MAP3K4: variants seen among roughly 807,000 people sequenced by gnomAD.
The protein encoded by MAP3K4 is mitogen-activated protein kinase kinase kinase 4.
A neutral mutation model predicts 185.6 loss-of-function variants in MAP3K4; 67 were observed. The observed-to-expected ratio is 0.36, with a 90% confidence interval of 0.30 to 0.44. The LOEUF (loss-of-function observed/expected upper bound fraction) is 0.44, where lower values mean the gene tolerates loss of function less well. MAP3K4 is among the 20% of genes least tolerant of loss of function. MAP3K4 has a pLI of 1.00. For missense variants in MAP3K4, 1,551 were observed against 1,995.1 expected (o/e 0.78, Z 4.24); for synonymous variants, 702 against 710.4 (o/e 0.99, Z 0.19).
At chr6:160,997,783 T>TA (rs1456239914) in intron 1 of MAP3K4, among the ~76,000 whole-genome samples, 16 of 152,296 alleles carry the variant, frequency 1.1e-4, no homozygotes, top group South Asian at 1.0e-3. Flanking sequence ...GCCCTCTTCT[T>TA]ACAGATGCCA....
In MAP3K4 at chr6:161,115,021, TG is replaced by T; in HGVS notation, c.4627-101del. ...CTTTCAGTAAAAATTTGCTGTCCCC[TG>T]ATATATATTAATGATGAGATGCTTA... On this transcript the variant is annotated intron_variant, in intron 25 of 26. Transcript: ENST00000392142. The surrounding 1 kb of genome is among the most constrained non-coding windows in gnomAD (Gnocchi z 6.0). 1.9e-6 allele frequency: 2 copies of T among 1,061,188 alleles called. No homozygotes were observed. The highest frequency in any genetic ancestry group is 2.7e-6 in the Non-Finnish European group (2 of 727,778). 65.7% of individuals were successfully genotyped at this position (1,061,188 alleles called of 1,614,324 possible). A position where few individuals can be genotyped will look rare whatever the true frequency, so the allele number is the denominator to read the frequency against.
At position 161,110,201 on chromosome 6, in the gene MAP3K4, T is replaced by C. The variant is rs889950603; in HGVS notation, c.4396+287T>C. On this transcript the variant is annotated intron_variant, in intron 23 of 26. Transcript: ENST00000392142. This position sits in a 1 kb window ranked among gnomAD's most constrained non-coding sequence, Gnocchi z 4.8. ...GCTGATTTGGCATAGCCCGTGTACT[T>C]ACCAGACATTCGTGATCAAAGCAAC... is the stretch of plus-strand genomic sequence containing the variant. Among the ~76,000 whole-genome samples the C allele has an allele frequency of 3.3e-5, 5 of 152,236 alleles. No homozygotes were observed. The highest frequency in any genetic ancestry group is 6.5e-5 in the Admixed American group (1 of 15,286).
At position 161,037,040 on chromosome 6, in the gene MAP3K4, A is replaced by G. The variant is rs1176799004; in HGVS notation, c.343+2591A>G. ...TTTCAATTTTAAATGTCTCAGTCAC[A>G]TGTATATTAGAAAGTGGCTTCACAT... On this transcript the variant is annotated intron_variant, in intron 2 of 26. Transcript: ENST00000392142. The surrounding 1 kb of genome is among the most constrained non-coding windows in gnomAD (Gnocchi z 4.2). Among the ~76,000 whole-genome samples, 6 of 152,214 alleles carry G rather than the reference A, an allele frequency of 3.9e-5. No individual in the cohort carries two copies. Among genetic ancestry groups the G allele is most frequent in the Non-Finnish European group, 7.3e-5 (5 of 68,046 alleles).
rs1464994902 is a variant in MAP3K4 at position 161,071,835 on chromosome 6, C to T, written c.1950+985C>T. ...GTCCACTTTGGCCTTGCTTTTAACT[C>T]ATCCTCATAATCGCAGTGGTTATCT... On this transcript the variant is annotated intron_variant, in intron 4 of 26. Coordinates refer to ENST00000392142, the MANE Select transcript of MAP3K4 (RefSeq NM_005922.4). The surrounding 1 kb of genome is among the most constrained non-coding windows in gnomAD (Gnocchi z 4.6). Among the ~76,000 whole-genome samples the T allele has an allele frequency of 6.6e-6, 1 of 152,200 alleles. No homozygotes were observed. Among genetic ancestry groups the T allele is most frequent in the African/African-American group, 2.4e-5 (1 of 41,446 alleles).
intron 1 of MAP3K4, among the ~76,000 whole-genome samples, chr6:161,009,420 C>G (rs1175625315): frequency 6.6e-6 from 1 of 152,176 alleles, no homozygotes; most frequent in African/African-American, 2.4e-5. Context: ...TCCCCATCTA[C>G]CCCGGTAAAC....
At chr6:161,032,660 A>G (rs1390874367) in intron 1 of MAP3K4, among the ~76,000 whole-genome samples, 4 of 152,218 alleles carry the variant, frequency 2.6e-5, no homozygotes, top group Non-Finnish European at 4.4e-5. Context: ...GCTTATAGCC[A>G]TGTTCTTTAA....
chr6:161,086,787 A>T lies in MAP3K4; in HGVS notation c.2556+120A>T, dbSNP rs1290246540. On this transcript the variant is annotated intron_variant, in intron 9 of 26. Transcript: ENST00000392142. The surrounding 1 kb of genome is among the most constrained non-coding windows in gnomAD (Gnocchi z 4.8). ...TTACAGGCTCTGAAGGCTGTACCAC[A>T]ACCCCAGTTGTAAGACTGTCCTGTA... The T allele has an allele frequency of 2.8e-6, 2 of 703,306 alleles. No individual in the cohort carries two copies. Among genetic ancestry groups the T allele is most frequent in the Admixed American group, 3.0e-5 (1 of 33,830 alleles). 43.6% of individuals were successfully genotyped at this position (703,306 alleles called of 1,614,324 possible). A position where few individuals can be genotyped will look rare whatever the true frequency, so the allele number is the denominator to read the frequency against.
At chr6:161,018,623 A>C (rs963891148) in intron 1 of MAP3K4, among the ~76,000 whole-genome samples, 1 of 152,236 alleles carries the variant, frequency 6.6e-6, no homozygotes, top group Non-Finnish European at 1.5e-5. Context: ...CTTTAAAGGA[A>C]GACAGTAAAA....
chr6:160,993,133 G>A (rs1460001309), intron 1 of MAP3K4, among the ~76,000 whole-genome samples: 1 of 152,106 alleles, frequency 6.6e-6, no homozygotes, highest in East Asian at 1.9e-4. Flanking sequence ...CATTCAGTTG[G>A]CCCAAACAAA....
intron 1 of MAP3K4, among the ~76,000 whole-genome samples, chr6:161,024,852 C>T (rs1203178435): frequency 6.6e-6 from 1 of 152,154 alleles, no homozygotes; most frequent in Non-Finnish European, 1.5e-5. Flanking sequence ...GTGGAGAGTT[C>T]AACTCCACCT....
chr6:161,014,216 G>A (rs956161655), intron 1 of MAP3K4, among the ~76,000 whole-genome samples: 5 of 152,066 alleles, frequency 3.3e-5, no homozygotes, highest in South Asian at 2.1e-4. Context: ...ACAAAGGAGC[G>A]CCCTTTCCTT....
chr6:161,096,499 TAAA>T lies in MAP3K4; in HGVS notation c.3428-580_3428-578del, dbSNP rs1486628344. 6.6e-6 allele frequency among the ~76,000 whole-genome samples: 1 copy of T among 152,192 alleles called. No homozygotes were observed. Among genetic ancestry groups the T allele is most frequent in the African/African-American group, 2.4e-5 (1 of 41,448 alleles). On this transcript the variant is annotated intron_variant, in intron 15 of 26. Coordinates refer to ENST00000392142, the MANE Select transcript of MAP3K4 (RefSeq NM_005922.4). This position sits in a 1 kb window ranked among gnomAD's most constrained non-coding sequence, Gnocchi z 4.9. ...AATCACTAGGTAAGATCTCTAATTT[TAAA>T]TTTTATCTAGTTTTAAATTTTTATT...
In MAP3K4 at chr6:161,048,569, C is replaced by T; in HGVS notation, c.344-47C>T. The stretch of plus-strand genomic sequence containing the variant: ...TTATTGAAAATATTGAGAGTAGCTT[C>T]ATATTTTAGAGTTATATAATGTTCT... On this transcript the variant is annotated intron_variant, in intron 2 of 26. Transcript: ENST00000392142. This position sits in a 1 kb window ranked among gnomAD's most constrained non-coding sequence, Gnocchi z 4.7. 8.1e-7 allele frequency: 1 copy of T among 1,229,044 alleles called. No homozygotes were observed. Among genetic ancestry groups the T allele is most frequent in the Non-Finnish European group, 1.1e-6 (1 of 892,590 alleles). 76.1% of individuals were successfully genotyped at this position (1,229,044 alleles called of 1,614,324 possible). A position where few individuals can be genotyped will look rare whatever the true frequency, so the allele number is the denominator to read the frequency against.
chr6:161,024,255 C>T (rs114842022), intron 1 of MAP3K4, among the ~76,000 whole-genome samples: 3,308 of 152,146 alleles, frequency 0.022, 129 homozygotes, highest in African/African-American at 0.077. Context: ...AGATGCGAGC[C>T]GCCACACCCA....
intron 1 of MAP3K4, among the ~76,000 whole-genome samples, chr6:161,033,198 G>A (rs1783010425): frequency 6.6e-6 from 1 of 151,962 alleles, no homozygotes; most frequent in South Asian, 2.1e-4. Context: ...ATATAATTTG[G>A]AGTTATGTTT....
chr6:161,035,408 C>T (rs1783119046), intron 2 of MAP3K4, among the ~76,000 whole-genome samples: 1 of 152,074 alleles, frequency 6.6e-6, no homozygotes, highest in Admixed American at 6.6e-5. Context: ...GCTTTGATGG[C>T]TGTTAGTGGC....
In MAP3K4 at chr6:161,107,014, G is replaced by C. The variant is rs990295887; in HGVS notation, c.4048+309G>C. Among the ~76,000 whole-genome samples, 1 of 149,132 alleles carries C rather than the reference G, an allele frequency of 6.7e-6. No individual in the cohort carries two copies. Among genetic ancestry groups the C allele is most frequent in the East Asian group, 2.0e-4 (1 of 5,040 alleles). On this transcript the variant is annotated intron_variant, in intron 20 of 26. Coordinates refer to ENST00000392142, the MANE Select transcript of MAP3K4 (RefSeq NM_005922.4). The surrounding 1 kb of genome is among the most constrained non-coding windows in gnomAD (Gnocchi z 6.2). Reference sequence around the variant, plus strand: ...AGAGGTACCAAAATTTGACCCATTTGTTCTAGTTTCTCTCTCTCTCTCTAC... The same window carrying C: ...AGAGGTACCAAAATTTGACCCATTTCTTCTAGTTTCTCTCTCTCTCTCTAC...
In MAP3K4 at chr6:161,054,531, A is replaced by T. The variant is rs1056271942; in HGVS notation, c.1707+4552A>T. Among the ~76,000 whole-genome samples, 1 of 152,232 alleles carries T rather than the reference A, an allele frequency of 6.6e-6. No individual in the cohort carries two copies. Among genetic ancestry groups the T allele is most frequent in the Non-Finnish European group, 1.5e-5 (1 of 68,040 alleles). ...AACTGAACTAGCAATACTAAAAAAA[A>T]ATCTGTTTGCAGTTTGTTTTCATAA... On this transcript the variant is annotated intron_variant, in intron 3 of 26. Coordinates refer to ENST00000392142, the MANE Select transcript of MAP3K4 (RefSeq NM_005922.4). This position sits in a 1 kb window ranked among gnomAD's most constrained non-coding sequence, Gnocchi z 4.2.
At position 161,091,605 on chromosome 6, in the gene MAP3K4, T is replaced by C; in HGVS notation, c.3135+65T>C. The C allele has an allele frequency of 7.1e-7, 1 of 1,411,284 alleles. No individual in the cohort carries two copies. Among genetic ancestry groups the C allele is most frequent in the Admixed American group, 2.0e-5 (1 of 49,876 alleles). 87.4% of individuals were successfully genotyped at this position (1,411,284 alleles called of 1,614,324 possible). A position where few individuals can be genotyped will look rare whatever the true frequency, so the allele number is the denominator to read the frequency against. ...ATTGCTTGATAACTTACAGAAAGTT[T>C]TTGGAACCTTTTACAGTAAATCTGA... On this transcript the variant is annotated intron_variant, in intron 12 of 26. Transcript: ENST00000392142. This position sits in a 1 kb window ranked among gnomAD's most constrained non-coding sequence, Gnocchi z 5.5.
Sources: gnomAD v4.1 joint callset for allele counts (sites outside exome capture counted in the v4.1 genomes callset) on GRCh38, gnomAD v4.1.1 for gene constraint, Gnocchi (gnomAD v3.1) non-coding constraint, MANE v1.5 for transcripts, NCBI Gene and HGNC (gene_info 2026-07-23, HGNC 2026-07-21) for gene names.